Variants in HOMER2 observed in about 807,000 individuals in gnomAD.
The protein encoded by HOMER2 is homer scaffold protein 2, also known as homer protein homolog 2.
A neutral mutation model predicts 47.0 loss-of-function variants in HOMER2; 27 were observed. The ratio of observed to expected loss-of-function variants is 0.57; its 90% CI spans 0.42 to 0.79. The LOEUF is 0.79. Among genes scored for constraint, HOMER2 ranks in the 30% least tolerant of loss-of-function variants. The pLI is 0.00. For synonymous variants in HOMER2, 161 were observed against 163.8 expected (o/e 0.98, Z 0.13); for missense variants, 443 against 435.0 (o/e 1.02, Z -0.16).
rs962907517 is a variant in HOMER2, at chr15:82,940,568, C to T, written c.5+11963G>A. 2.6e-5 allele frequency among the ~76,000 whole-genome samples: 4 copies of T among 152,134 alleles called. 1 individual carries two copies. In the East Asian group the frequency reaches 7.7e-4, roughly 29 times the overall value. ...ACCATCCTGGCTAACACAGTGAAAC[C>T]CCATCTCTACTAAAAATACAAAAAA... On this transcript the variant is annotated intron_variant, in intron 1 of 8. Coordinates refer to ENST00000450735, the MANE Select transcript of HOMER2 (RefSeq NM_004839.4).
chr15:82,851,135 C>A lies in HOMER2; in HGVS notation c.843+16G>T. ...TCTTGTCTGAGCCAGGATGGCTGTG[C>A]CCCCAACCCACGTACCTCTAGCTTC... On this transcript the variant is annotated intron_variant, in intron 8 of 8. Coordinates refer to ENST00000450735, the MANE Select transcript of HOMER2 (RefSeq NM_004839.4). The A allele has an allele frequency of 6.5e-7, 1 of 1,550,176 alleles. No individual in the cohort carries two copies. Among genetic ancestry groups the A allele is most frequent in the Non-Finnish European group, 8.8e-7 (1 of 1,136,304 alleles).
intron 1 of HOMER2, among the ~76,000 whole-genome samples, chr15:82,893,055 G>A (rs926782293): frequency 2.0e-5 from 3 of 152,116 alleles, no homozygotes; most frequent in Admixed American, 6.5e-5. Flanking sequence ...CTGTTATCCC[G>A]AGACTGCAGG....
At chr15:82,910,980 C>A (rs1173148143) in intron 1 of HOMER2, among the ~76,000 whole-genome samples, 1 of 152,140 alleles carries the variant, frequency 6.6e-6, no homozygotes, top group Non-Finnish European at 1.5e-5. Flanking sequence ...GAGGTAGGGA[C>A]ATTAATATAA....
chr15:82,938,814 C>T (rs1008766535), intron 1 of HOMER2, among the ~76,000 whole-genome samples: 2 of 152,190 alleles, frequency 1.3e-5, no homozygotes, highest in African/African-American at 4.8e-5. Context: ...CTCAGTCTCC[C>T]GCCTCCTCTA....
intron 7 of HOMER2, among the ~76,000 whole-genome samples, chr15:82,851,592 A>C (rs957145126): frequency 6.6e-6 from 1 of 152,146 alleles, no homozygotes; most frequent in African/African-American, 2.4e-5. Context: ...GCATGGTGGC[A>C]GTGAGTGCAG....
Position 82,841,284 on chromosome 15 carries a change from G to C in HOMER2, c.*5990C>G, listed in dbSNP as rs546263289. On this transcript the variant is annotated 3_prime_UTR_variant, in exon 2 of 2. Coordinates refer to the HOMER2 transcript ENST00000558090. ...CATCAGATTCTTGTAGAAATGCAGA[G>C]ATGTCTTAACATTAGCAAATCTATT... 8 of 152,198 alleles carry C rather than the reference G, an allele frequency of 5.3e-5. No individual in the cohort carries two copies. In the East Asian group the frequency reaches 1.5e-3, roughly 29 times the overall value. 9.4% of individuals were successfully genotyped at this position (152,198 alleles called of 1,614,324 possible).
intron 1 of HOMER2, among the ~76,000 whole-genome samples, chr15:82,967,888 A>G (rs1475921190): frequency 6.6e-6 from 1 of 151,944 alleles, no homozygotes; most frequent in African/African-American, 2.4e-5. Flanking sequence ...GGAAAAAAAA[A>G]ACCAAACAAA....
At chr15:82,889,030 G>C (rs1422852072) in intron 2 of HOMER2, among the ~76,000 whole-genome samples, 1 of 152,168 alleles carries the variant, frequency 6.6e-6, no homozygotes, top group African/African-American at 2.4e-5. Flanking sequence ...GAATGGCCCA[G>C]AAGTACCACT....
intron 6 of HOMER2, among the ~76,000 whole-genome samples, 158 bp downstream of exon 6, chr15:82,854,486 G>T (rs983579887): frequency 9.8e-5 from 15 of 152,318 alleles, no homozygotes; most frequent in African/African-American, 3.4e-4. Flanking sequence ...AGAAAGGCAG[G>T]GAGGGGGAGG....
intron 1 of HOMER2, among the ~76,000 whole-genome samples, chr15:82,984,158 G>C (rs1052993415): frequency 6.6e-6 from 1 of 151,150 alleles, no homozygotes; most frequent in Non-Finnish European, 1.5e-5. Flanking sequence ...TCAGCCTCCC[G>C]AGTAGCTAGG....
At chr15:82,970,893 G>A (rs1435095427) in intron 1 of HOMER2, among the ~76,000 whole-genome samples, 1 of 152,114 alleles carries the variant, frequency 6.6e-6, no homozygotes, top group East Asian at 1.9e-4. Context: ...AAGCCTTATC[G>A]CTGGCAAAAT....
intron 1 of HOMER2, among the ~76,000 whole-genome samples, chr15:82,965,514 A>C (rs987763059): frequency 1.3e-5 from 2 of 152,138 alleles, no homozygotes; most frequent in African/African-American, 4.8e-5. Flanking sequence ...AAAACCATAA[A>C]AATCACTTAT....
intron 5 of HOMER2, among the ~76,000 whole-genome samples, chr15:82,857,864 G>A (rs940863562): frequency 7.9e-5 from 12 of 152,160 alleles, no homozygotes; most frequent in Admixed American, 2.6e-4. Flanking sequence ...CCTAAACCAC[G>A]AAGCTCAGCC....
intron 1 of HOMER2, among the ~76,000 whole-genome samples, chr15:82,920,953 G>A (rs917678603): frequency 6.6e-6 from 1 of 151,230 alleles, no homozygotes; most frequent in African/African-American, 2.4e-5. Flanking sequence ...TAGGAGCTGC[G>A]ACTACCACAG....
upstream of HOMER2, among the ~76,000 whole-genome samples, chr15:82,953,754 G>A (rs930016366): frequency 2.0e-5 from 3 of 152,168 alleles, no homozygotes; most frequent in African/African-American, 7.2e-5. Context: ...GTGGAGACAG[G>A]CGCCTGTAGT....
At chr15:82,940,459 A>C (rs548957414) in intron 1 of HOMER2, among the ~76,000 whole-genome samples, 14 of 152,300 alleles carry the variant, frequency 9.2e-5, no homozygotes, top group Admixed American at 3.3e-4. Context: ...TTAGCTGTGC[A>C]TGGGCTGGGC....
chr15:82,916,344 A>G (rs2053587082), intron 1 of HOMER2, among the ~76,000 whole-genome samples: 1 of 152,202 alleles, frequency 6.6e-6, no homozygotes, highest in Non-Finnish European at 1.5e-5. Context: ...GCTGGGTGCC[A>G]AGAATATCCC....
rs142878763 is a variant in HOMER2, at chr15:82,934,673, C to T, written c.5+17858G>A. On this transcript the variant is annotated intron_variant, in intron 1 of 8. Transcript: ENST00000450735. ...GGTGGATCCTGCCCCCCTGCCTGGC[C>T]GAACCCCAGCCTGATGCCTTCTGCC... Among the ~76,000 whole-genome samples the T allele has an allele frequency of 1.3e-4, 20 of 152,264 alleles. No homozygotes were observed. In the East Asian group the frequency reaches 3.3e-3, roughly 25 times the overall value.
chr15:82,955,123 T>A (rs1383659289), upstream of HOMER2, among the ~76,000 whole-genome samples: 1 of 151,566 alleles, frequency 6.6e-6, no homozygotes, highest in African/African-American at 2.4e-5. Context: ...CCTACTAAAT[T>A]GATTTCAAAA....
Sources: gnomAD v4.1 joint callset for allele counts (sites outside exome capture counted in the v4.1 genomes callset) on GRCh38, gnomAD v4.1.1 for gene constraint, MANE v1.5 for transcripts, NCBI Gene and HGNC (gene_info 2026-07-23, HGNC 2026-07-21) for gene names.